The following ZNF148 variants were observed in gnomAD, a reference collection of about 807,000 sequenced individuals.
The protein encoded by ZNF148 is zinc finger protein 148.
Under a neutral mutation model 67.7 loss-of-function variants are expected in ZNF148, and 7 were observed. That is an observed-to-expected ratio of 0.10 (90% CI 0.06 to 0.19). The LOEUF is 0.19. ZNF148 is among the 10% of genes least tolerant of loss of function. The pLI is 1.00. For missense variants in ZNF148, 583 were observed against 947.1 expected, an observed-to-expected ratio of 0.62 and a Z score of 5.05; for synonymous variants, 333 against 330.7, an observed-to-expected ratio of 1.01 and a Z score of -0.08.
intron 1 of ZNF148, among the ~76,000 whole-genome samples, chr3:125,364,782 A>G (rs1335791197): frequency 1.3e-5 from 2 of 152,142 alleles, no homozygotes; most frequent in East Asian, 3.8e-4. Flanking sequence ...TTAAGATTGG[A>G]GCACTTTACT....
At chr3:125,234,436 CAA>C in intron 7 of ZNF148, 107 bp from the exon 8 acceptor site, 1 of 753,014 alleles carries the variant, frequency 1.3e-6, no homozygotes, top group Non-Finnish European at 2.2e-6. Context: ...TTGTAACTTC[CAA>C]TTTCATTTGT....
intron 1 of ZNF148, among the ~76,000 whole-genome samples, chr3:125,365,823 G>A (rs987551554): frequency 6.6e-6 from 1 of 152,066 alleles, no homozygotes; most frequent in African/African-American, 2.4e-5. Context: ...CCTCACGTTC[G>A]TTCATTCAAT....
intron 1 of ZNF148, among the ~76,000 whole-genome samples, chr3:125,372,879 T>C (rs948044243): frequency 3.9e-5 from 6 of 152,004 alleles, no homozygotes; most frequent in African/African-American, 7.3e-5. Flanking sequence ...GGCAGGAGAA[T>C]TGCTTGAACC....
chr3:125,299,553 C>T (rs1463098998), intron 4 of ZNF148, among the ~76,000 whole-genome samples: 1 of 152,004 alleles, frequency 6.6e-6, no homozygotes, highest in Non-Finnish European at 1.5e-5. Flanking sequence ...AATCTTCTAC[C>T]AACAATTCAT....
At chr3:125,269,250 G>A (rs1471823108) in intron 7 of ZNF148, among the ~76,000 whole-genome samples, 4 of 150,512 alleles carry the variant, frequency 2.7e-5, no homozygotes, top group East Asian at 1.9e-4. Context: ...AAGTGGTGGC[G>A]TGCACCTGCA....
At position 125,299,182 on chromosome 3, in the gene ZNF148, T is replaced by A. The variant is rs117107975; in HGVS notation, c.334-10954A>T. On this transcript the variant is annotated intron_variant, in intron 4 of 8. Transcript: ENST00000360647. ...AAATATAAAAACACCAAAGTAGACC[T>A]CTCTGAAACTGATGTAGCTAGGCTG... 4.9e-4 allele frequency among the ~76,000 whole-genome samples: 75 copies of A among 152,330 alleles called. No individual in the cohort carries two copies. The East Asian group carries it at 0.012, about 24-fold the overall frequency.
chr3:125,328,152 GA>G (rs1435045089), intron 2 of ZNF148, among the ~76,000 whole-genome samples: 1 of 151,950 alleles, frequency 6.6e-6, no homozygotes, highest in Non-Finnish European at 1.5e-5. Context: ...AAAAGAAAAA[GA>G]AGCAAAAGTC....
chr3:125,301,329 T>G (rs901542249), intron 4 of ZNF148, among the ~76,000 whole-genome samples: 1 of 152,156 alleles, frequency 6.6e-6, no homozygotes, highest in African/African-American at 2.4e-5. Flanking sequence ...CCCATCACTA[T>G]TAATAAAATT....
chr3:125,276,834 T>C (rs1482279875), intron 7 of ZNF148, among the ~76,000 whole-genome samples: 1 of 152,220 alleles, frequency 6.6e-6, no homozygotes, highest in Non-Finnish European at 1.5e-5. Flanking sequence ...GTTGTTTCTA[T>C]ATGACAAACT....
chr3:125,309,406 GA>G (rs1227778413), intron 4 of ZNF148, among the ~76,000 whole-genome samples: 4 of 152,088 alleles, frequency 2.6e-5, no homozygotes, highest in Non-Finnish European at 5.9e-5. Context: ...TTACCATAAT[GA>G]AAAATCACAA....
At chr3:125,270,383 C>A (rs182721563) in intron 7 of ZNF148, among the ~76,000 whole-genome samples, 2 of 151,476 alleles carry the variant, frequency 1.3e-5, no homozygotes, top group East Asian at 1.9e-4. Context: ...ATTACCCAGG[C>A]ATGGTGGTGT....
At chr3:125,340,092 G>C (rs1941651241) in intron 1 of ZNF148, among the ~76,000 whole-genome samples, 1 of 152,054 alleles carries the variant, frequency 6.6e-6, no homozygotes, top group African/African-American at 2.4e-5. Context: ...AACCAATTTG[G>C]GACCCAAGGA....
chr3:125,248,773 G>A (rs976314179), intron 7 of ZNF148, among the ~76,000 whole-genome samples: 3 of 152,154 alleles, frequency 2.0e-5, no homozygotes, highest in African/African-American at 7.2e-5. Context: ...GCAAAGAAAC[G>A]AGAGAATCAG....
intron 1 of ZNF148, among the ~76,000 whole-genome samples, chr3:125,366,461 G>A (rs1329089057): frequency 6.6e-6 from 1 of 152,100 alleles, no homozygotes; most frequent in East Asian, 1.9e-4. Flanking sequence ...ACTATAGATT[G>A]TGATTAATTA....
intron 7 of ZNF148, among the ~76,000 whole-genome samples, chr3:125,252,711 T>C (rs1029840874): frequency 1.4e-5 from 2 of 147,252 alleles, no homozygotes; most frequent in African/African-American, 2.5e-5. Context: ...GAGGTTGCAG[T>C]GAGCCGAGAT....
At position 125,227,233 on chromosome 3, in the gene ZNF148, T is replaced by C. The variant is rs1935679025; in HGVS notation, c.*5108A>G. On this transcript the variant is annotated 3_prime_UTR_variant, in exon 9 of 9. Coordinates refer to ENST00000360647, the MANE Select transcript of ZNF148 (RefSeq NM_021964.3). ...TGTCTATATTATGTACATATTTAAT[T>C]ATCAATAGGAAATAGAAAATAAAAA... 1 of 152,696 alleles carries C rather than the reference T, an allele frequency of 6.5e-6. No individual in the cohort carries two copies. Among genetic ancestry groups the C allele is most frequent in the Middle Eastern group, 3.4e-3 (1 of 294 alleles). 9.5% of individuals were successfully genotyped at this position (152,696 alleles called of 1,614,324 possible). A position where few individuals can be genotyped will look rare whatever the true frequency, so the allele number is the denominator to read the frequency against.
chr3:125,283,338 T>C (rs963956622), intron 5 of ZNF148, among the ~76,000 whole-genome samples: 4 of 152,166 alleles, frequency 2.6e-5, no homozygotes, highest in African/African-American at 9.6e-5. Flanking sequence ...TGGTAAGCTT[T>C]TGACAGCACC....
At chr3:125,320,045 G>A (rs1011814643) in intron 3 of ZNF148, among the ~76,000 whole-genome samples, 3 of 152,094 alleles carry the variant, frequency 2.0e-5, no homozygotes, top group Admixed American at 1.3e-4. Flanking sequence ...TTCTCCTGTG[G>A]GAGGATTCAA....
chr3:125,272,350 G>A (rs1937791862), intron 7 of ZNF148, among the ~76,000 whole-genome samples: 1 of 152,166 alleles, frequency 6.6e-6, no homozygotes, highest in South Asian at 2.1e-4. Flanking sequence ...TTAAAGACTT[G>A]TTAAAACAAA....
Sources: gnomAD v4.1 joint callset for allele counts (sites outside exome capture counted in the v4.1 genomes callset) on GRCh38, gnomAD v4.1.1 for gene constraint, MANE v1.5 for transcripts, NCBI Gene and HGNC (gene_info 2026-07-23, HGNC 2026-07-21) for gene names.